ASB7: variants seen among roughly 807,000 people sequenced by gnomAD.
ASB7 encodes the protein ankyrin repeat and SOCS box protein 7.
ASB7 carries 4 observed loss-of-function variants against 32.5 expected under a neutral mutation model. The observed-to-expected ratio is 0.12, with a 90% CI of 0.06 to 0.28. The LOEUF (loss-of-function observed/expected upper bound fraction) is 0.28, where lower values mean the gene tolerates loss of function less well. ASB7 is among the 10% of genes least tolerant of loss of function. The pLI is 1.00. For missense variants in ASB7, 181 were observed against 407.1 expected (o/e 0.44, Z 4.78); for synonymous variants, 172 against 155.6 (o/e 1.11, Z -0.78).
chr15:100,644,976 A>G (rs1597013392), intron 5 of ASB7, among the ~76,000 whole-genome samples: 1 of 152,254 alleles, frequency 6.6e-6, no homozygotes, highest in African/African-American at 2.4e-5. Flanking sequence ...CGAAAAGCGT[A>G]TGTTCATACA....
intron 5 of ASB7, among the ~76,000 whole-genome samples, chr15:100,634,222 G>A (rs1330361791): frequency 1.3e-5 from 2 of 152,174 alleles, no homozygotes; most frequent in Non-Finnish European, 2.9e-5. Context: ...GGACCAGGGA[G>A]TTATTCAGAA....
chr15:100,612,399 A>G lies in ASB7; in HGVS notation c.183A>G (p.Arg61=). The G allele has an allele frequency of 6.2e-7, 1 of 1,614,044 alleles. No individual in the cohort carries two copies. Among genetic ancestry groups the G allele is most frequent in the Non-Finnish European group, 8.5e-7 (1 of 1,179,846 alleles). The change falls in exon 4 of 6, where the codon AGA becomes AGG. Residue 61 remains arginine, a synonymous_variant. Transcript: ENST00000332783. Reference sequence around the variant, plus strand: ...TCTCTGCAGCAAGAGGAAAGGAAAGATGTGTTCGGGTTTTTCTAGAACACG... The same window carrying G: ...TCTCTGCAGCAAGAGGAAAGGAAAGGTGTGTTCGGGTTTTTCTAGAACACG... The part of the protein sequence containing the change: ...LHFSAARGKE[R]CVRVFLEHGA...
chr15:100,627,568 T>C (rs2039850412), intron 4 of ASB7, among the ~76,000 whole-genome samples: 1 of 152,244 alleles, frequency 6.6e-6, no homozygotes, highest in African/African-American at 2.4e-5. Context: ...AATCTCTGTT[T>C]TTCCTTAGCT....
At chr15:100,611,372 T>C (rs1194214840) in intron 3 of ASB7, among the ~76,000 whole-genome samples, 4 of 150,562 alleles carry the variant, frequency 2.7e-5, no homozygotes, top group Admixed American at 2.6e-4. Context: ...CATTGTATGT[T>C]GGGTTTTAGT....
At chr15:100,641,487 C>T (rs187698937) in intron 5 of ASB7, among the ~76,000 whole-genome samples, 51 of 152,318 alleles carry the variant, frequency 3.3e-4, no homozygotes, top group African/African-American at 9.6e-4. Context: ...AAGTTCATAC[C>T]TGTACACTCG....
intron 4 of ASB7, among the ~76,000 whole-genome samples, chr15:100,617,794 A>G (rs1435123622): frequency 1.3e-5 from 2 of 152,234 alleles, no homozygotes; most frequent in Non-Finnish European, 2.9e-5. Flanking sequence ...GGTAGAACCC[A>G]TATCTGTTTT....
At chr15:100,645,773 C>T in intron 5 of ASB7, 1 of 1,572,550 alleles carries the variant, frequency 6.4e-7, no homozygotes, top group South Asian at 1.1e-5. Context: ...ATAGGAAATA[C>T]AATTAAACAC....
chr15:100,645,880 G>A (rs931246355), intron 5 of ASB7: 3 of 814,860 alleles, frequency 3.7e-6, no homozygotes, highest in Non-Finnish European at 6.2e-6. Flanking sequence ...TTCAGCATCT[G>A]ACCACAGCAC....
intron 5 of ASB7, among the ~76,000 whole-genome samples, chr15:100,642,680 C>T (rs2039969483): frequency 1.3e-5 from 2 of 152,248 alleles, no homozygotes; most frequent in Non-Finnish European, 2.9e-5. Flanking sequence ...ATTTGTTTTA[C>T]TTCCCTGCTC....
intron 2 of ASB7, among the ~76,000 whole-genome samples, chr15:100,607,942 C>T (rs1269236942): frequency 6.6e-6 from 1 of 152,152 alleles, no homozygotes; most frequent in Non-Finnish European, 1.5e-5. Context: ...GCTCTCATGC[C>T]GTCTTCCCTG....
chr15:100,645,508 C>T, intron 5 of ASB7: 1 of 635,770 alleles, frequency 1.6e-6, no homozygotes, highest in African/African-American at 1.8e-5. Flanking sequence ...AGTCTGCTCT[C>T]AGAACTTTCT....
intron 4 of ASB7, among the ~76,000 whole-genome samples, chr15:100,618,466 C>T (rs967893161): frequency 6.6e-6 from 1 of 152,108 alleles, no homozygotes; most frequent in Non-Finnish European, 1.5e-5. Flanking sequence ...CAGATTGGCT[C>T]CTCCTGTTAG....
intron 5 of ASB7, chr15:100,646,096 T>C (rs1266349784): frequency 2.3e-5 from 9 of 398,786 alleles, no homozygotes; most frequent in Non-Finnish European, 4.5e-5. Flanking sequence ...AGCTGTGGAA[T>C]CTACACTTGG....
At chr15:100,608,823 G>T (rs901862743) in intron 2 of ASB7, among the ~76,000 whole-genome samples, 4 of 152,164 alleles carry the variant, frequency 2.6e-5, no homozygotes, top group African/African-American at 7.2e-5. Flanking sequence ...GAGAGAAGTG[G>T]ACTATACCAA....
rs1236375989 is a variant in ASB7 at position 100,629,801 on chromosome 15, T to C, written c.576T>C (p.Asn192=). 3 of 1,614,250 alleles carry C rather than the reference T, an allele frequency of 1.9e-6. No individual in the cohort carries two copies. The highest frequency in any genetic ancestry group is 2.5e-6 in the Non-Finnish European group (3 of 1,180,042). The change falls in exon 5 of 6, where the codon AAT becomes AAC. Residue 192 remains asparagine (N), a synonymous_variant. Transcript: ENST00000332783. The surrounding 1 kb of genome is among the most constrained non-coding windows in gnomAD (Gnocchi z 6.8). ...FLLRYAVIKS[N]HSYCRMFLQR... is the part of the protein sequence containing the mutation. ...TGCGATACGCCGTGATCAAAAGCAA[T>C]CACTCTTATTGCCGAATGTTCCTTC...
chr15:100,619,756 G>A (rs1397873923), intron 4 of ASB7, among the ~76,000 whole-genome samples: 1 of 152,222 alleles, frequency 6.6e-6, no homozygotes, highest in Non-Finnish European at 1.5e-5. Flanking sequence ...GAGGTTGCTT[G>A]TGACCATAGT....
chr15:100,605,322 G>A (rs2039634196), intron 2 of ASB7, among the ~76,000 whole-genome samples: 1 of 152,070 alleles, frequency 6.6e-6, no homozygotes, highest in South Asian at 2.1e-4. Flanking sequence ...AGTTAGCTTT[G>A]TATTAATTCT....
intron 5 of ASB7, chr15:100,646,098 T>A: frequency 2.5e-6 from 1 of 399,128 alleles, no homozygotes; most frequent in Non-Finnish European, 5.0e-6. Context: ...CTGTGGAATC[T>A]ACACTTGGGC....
chr15:100,625,351 T>C (rs1245406917), intron 4 of ASB7, among the ~76,000 whole-genome samples: 1 of 152,224 alleles, frequency 6.6e-6, no homozygotes, highest in Non-Finnish European at 1.5e-5. Context: ...AAATGTGTTC[T>C]AGAACTAAAA....
Sources: allele counts gnomAD v4.1 joint callset (sites outside exome capture counted in the v4.1 genomes callset), GRCh38; gene constraint gnomAD v4.1.1; non-coding constraint Gnocchi (gnomAD v3.1); transcripts MANE v1.5; gene names NCBI Gene and HGNC (gene_info 2026-07-23, HGNC 2026-07-21).